GREM2: variants seen among roughly 807,000 people sequenced by gnomAD.
GREM2 encodes gremlin 2, DAN family BMP antagonist.
GREM2 carries 11 observed loss-of-function variants against 14.2 expected under a neutral mutation model. That is an observed-to-expected ratio of 0.78 (90% CI 0.49 to 1.28). The LOEUF (loss-of-function observed/expected upper bound fraction) is 1.28, where lower values mean the gene tolerates loss of function less well. Among genes scored for constraint, GREM2 ranks in the 50% most tolerant of loss-of-function variants. GREM2 has a pLI of 0.00. For missense variants in GREM2, 210 were observed against 218.5 expected, an observed-to-expected ratio of 0.96 and a Z score of 0.24; for synonymous variants, 98 against 97.6, an observed-to-expected ratio of 1.00 and a Z score of -0.02.
intron 1 of GREM2, among the ~76,000 whole-genome samples, chr1:240,585,653 CT>C (rs1679583304): frequency 6.9e-6 from 1 of 145,680 alleles, no homozygotes; most frequent in African/African-American, 2.5e-5. Context: ...TCGCTTGAAC[CT>C]GGGAGGCGGA....
chr1:240,502,649 C>T (rs1213119241), intron 1 of GREM2, among the ~76,000 whole-genome samples: 2 of 152,172 alleles, frequency 1.3e-5, no homozygotes, highest in Non-Finnish European at 2.9e-5. Flanking sequence ...TCTTCCCACT[C>T]ATCATTCCTC....
chr1:240,512,513 G>A (rs1677856733), intron 1 of GREM2, among the ~76,000 whole-genome samples: 1 of 30,160 alleles, frequency 3.3e-5, no homozygotes, highest in Non-Finnish European at 5.4e-5. Context: ...TCTCACACAT[G>A]AGCTTTCTGT....
chr1:240,584,995 A>G (rs1013641331), intron 1 of GREM2, among the ~76,000 whole-genome samples: 21 of 152,006 alleles, frequency 1.4e-4, no homozygotes, highest in African/African-American at 4.3e-4. Flanking sequence ...TTTGAGGGGG[A>G]AAAAAAGTAG....
intron 1 of GREM2, among the ~76,000 whole-genome samples, chr1:240,596,150 C>T (rs901957147): frequency 2.0e-5 from 3 of 152,120 alleles, no homozygotes; most frequent in Non-Finnish European, 4.4e-5. Context: ...ATTATTATTG[C>T]ATCATGAACA....
chr1:240,576,381 G>A (rs1478240728), intron 1 of GREM2, among the ~76,000 whole-genome samples: 1 of 152,098 alleles, frequency 6.6e-6, no homozygotes, highest in Non-Finnish European at 1.5e-5. Flanking sequence ...TCCTGGTTTC[G>A]CTTAGAGTGT....
intron 1 of GREM2, among the ~76,000 whole-genome samples, chr1:240,597,733 T>G (rs1159485490): frequency 6.6e-6 from 1 of 152,182 alleles, no homozygotes; most frequent in Admixed American, 6.5e-5. Flanking sequence ...GGACTAAAGT[T>G]CTAAGCGGAT....
intron 1 of GREM2, among the ~76,000 whole-genome samples, chr1:240,563,378 CTGTT>C (rs1679113598): frequency 3.3e-5 from 5 of 152,252 alleles, no homozygotes; most frequent in East Asian, 1.9e-4. Context: ...GGACTTCTCT[CTGTT>C]TGTTACTGCG....
intron 1 of GREM2, among the ~76,000 whole-genome samples, chr1:240,607,826 G>A (rs1680059690): frequency 6.6e-6 from 1 of 152,190 alleles, no homozygotes; most frequent in Non-Finnish European, 1.5e-5. Flanking sequence ...TGATGGGCTA[G>A]TGCTATAGAA....
In GREM2 at chr1:240,510,023, G is replaced by C. The variant is rs1394249955; in HGVS notation, c.-1-16547C>G. Among the ~76,000 whole-genome samples the C allele has an allele frequency of 5.9e-5, 9 of 152,162 alleles. No homozygotes were observed. In the South Asian group the frequency reaches 1.9e-3, roughly 32 times the overall value. On this transcript the variant is annotated intron_variant, in intron 1 of 1. Coordinates refer to ENST00000318160, the MANE Select transcript of GREM2 (RefSeq NM_022469.4). ...AGACCAATGAGCAGAGAGACTGGGA[G>C]AAATATTCTTACTCAATACATCCAT...
intron 1 of GREM2, among the ~76,000 whole-genome samples, chr1:240,575,108 A>C (rs948871398): frequency 6.7e-6 from 1 of 149,584 alleles, no homozygotes; most frequent in African/African-American, 2.4e-5. Flanking sequence ...CTCTGTCTCC[A>C]AAAAAAAAAT....
chr1:240,562,871 AGTGT>A (rs762200788), intron 1 of GREM2, among the ~76,000 whole-genome samples: 7 of 139,318 alleles, frequency 5.0e-5, no homozygotes, highest in East Asian at 2.2e-4. Flanking sequence ...TGTATATGTG[AGTGT>A]GTATGTGTGT....
At chr1:240,546,063 G>A (rs767567415) in intron 1 of GREM2, among the ~76,000 whole-genome samples, 6 of 152,240 alleles carry the variant, frequency 3.9e-5, no homozygotes, top group Non-Finnish European at 8.8e-5. Flanking sequence ...GGCCAGGCAC[G>A]GTGGCGCATG....
At chr1:240,587,034 C>G (rs1201127184) in intron 1 of GREM2, among the ~76,000 whole-genome samples, 2 of 152,114 alleles carry the variant, frequency 1.3e-5, no homozygotes, top group African/African-American at 4.8e-5. Flanking sequence ...TTTACCCTCT[C>G]GAAGGCTTTA....
chr1:240,499,206 T>C (rs927017778), intron 1 of GREM2, among the ~76,000 whole-genome samples: 1 of 152,206 alleles, frequency 6.6e-6, no homozygotes, highest in Non-Finnish European at 1.5e-5. Flanking sequence ...TCATCCTTCC[T>C]GACAGGCAAA....
intron 1 of GREM2, among the ~76,000 whole-genome samples, chr1:240,565,893 T>C (rs1206018879): frequency 6.6e-6 from 1 of 151,782 alleles, no homozygotes; most frequent in Non-Finnish European, 1.5e-5. Context: ...GTTATTCCTA[T>C]TTATTGTATC....
At chr1:240,548,152 G>A (rs2103334835) in intron 1 of GREM2, among the ~76,000 whole-genome samples, 1 of 151,812 alleles carries the variant, frequency 6.6e-6, no homozygotes, top group South Asian at 2.1e-4. Flanking sequence ...GTATGTGCCT[G>A]TAATCCCAGC....
chr1:240,582,625 A>G (rs935002662), intron 1 of GREM2, among the ~76,000 whole-genome samples: 3 of 151,934 alleles, frequency 2.0e-5, no homozygotes, highest in African/African-American at 4.8e-5. Context: ...GTGAAACCCC[A>G]TCTCTACTAA....
intron 1 of GREM2, among the ~76,000 whole-genome samples, chr1:240,601,768 A>G (rs1424930400): frequency 6.6e-6 from 1 of 152,054 alleles, no homozygotes; most frequent in Non-Finnish European, 1.5e-5. Context: ...TTAGCCAGGC[A>G]TGGTGGCACA....
chr1:240,545,058 C>T (rs545241376), intron 1 of GREM2, among the ~76,000 whole-genome samples: 7 of 152,012 alleles, frequency 4.6e-5, no homozygotes, highest in African/African-American at 1.7e-4. Flanking sequence ...ATCTTTTTGT[C>T]TGCTGATGTT....
Sources: gnomAD v4.1 joint callset for allele counts (sites outside exome capture counted in the v4.1 genomes callset) on GRCh38, gnomAD v4.1.1 for gene constraint, MANE v1.5 for transcripts, NCBI Gene and HGNC (gene_info 2026-07-23, HGNC 2026-07-21) for gene names.